Variants in UNC119B observed in about 807,000 individuals in gnomAD.
The protein encoded by UNC119B is unc-119 lipid binding chaperone B.
In UNC119B, 16 loss-of-function variants were observed where a neutral mutation model predicts 23.4. The ratio of observed to expected loss-of-function variants is 0.68; its 90% CI spans 0.46 to 1.04. The LOEUF (loss-of-function observed/expected upper bound fraction) is 1.04. Ranked by LOEUF, UNC119B falls within the 50% of genes least tolerant of loss-of-function variation. UNC119B has a pLI of 0.00. For missense variants in UNC119B, 350 were observed against 361.3 expected (o/e 0.97, Z 0.25); for synonymous variants, 144 against 145.4 (o/e 0.99, Z 0.07).
In UNC119B at chr12:120,722,439, T is replaced by C. The variant is rs1882933748; in HGVS notation, c.*2407T>C. The C allele has an allele frequency of 6.6e-6, 1 of 152,326 alleles. No homozygotes were observed. Among genetic ancestry groups the C allele is most frequent in the East Asian group, 1.9e-4 (1 of 5,190 alleles). The allele number at this position is 152,326 out of a possible 1,614,324, so 9.4% of individuals were successfully genotyped here. A position where few individuals can be genotyped will look rare whatever the true frequency, so the allele number is the denominator to read the frequency against. On this transcript the variant is annotated 3_prime_UTR_variant, in exon 5 of 5. Transcript: ENST00000344651. ...GAAATTCAAGCGTTTGTACCTGAGT[T>C]GGGGAGAGAATTGCAAGGCATACTT...
chr12:120,717,325 A>G (rs1882803538), intron 4 of UNC119B, among the ~76,000 whole-genome samples: 1 of 152,124 alleles, frequency 6.6e-6, no homozygotes, highest in Admixed American at 6.5e-5. Flanking sequence ...GCTGGAGTGC[A>G]GCAGCGCGAT....
Position 120,719,985 on chromosome 12 carries a change from C to T in UNC119B, c.709C>T (p.Leu237=). Residue 237 remains leucine, a synonymous_variant, in exon 5 of 5, where the codon CTG becomes TTG. Transcript: ENST00000344651. Reference sequence around the variant, plus strand: ...CAGCTTCTACTTTGTTGACAACAAGCTGATAATGCACAACAAGGCTGATTA... The same window carrying T: ...CAGCTTCTACTTTGTTGACAACAAGTTGATAATGCACAACAAGGCTGATTA... ...SDSFYFVDNK[L]IMHNKADYAY... is the part of the protein sequence containing the mutation. The T allele has an allele frequency of 6.2e-7, 1 of 1,614,140 alleles. No individual in the cohort carries two copies. Among genetic ancestry groups the T allele is most frequent in the Admixed American group, 1.7e-5 (1 of 60,020 alleles).
intron 4 of UNC119B, among the ~76,000 whole-genome samples, chr12:120,718,583 T>C (rs1374204538): frequency 6.6e-6 from 1 of 152,224 alleles, no homozygotes; most frequent in Non-Finnish European, 1.5e-5. Context: ...TGCTGCCGTG[T>C]AGCCTCGGCA....
chr12:120,716,655 G>T lies in UNC119B; in HGVS notation c.386G>T (p.Gly129Val). ...CAGGAGGAGGATGAGGAGGAGGGAG[G>T]TGGAGACGTGGACATCAGCGCAGGA... is the stretch of plus-strand genomic sequence containing the variant. ...SDQEEDEEEG[G>V]GDVDISAGRF... is the part of the protein sequence containing the mutation. Residue 129 changes from glycine to valine, a missense_variant, in exon 3 of 5, where the codon GGT (glycine) becomes GTT (valine). Transcript: ENST00000344651. 3 of 1,614,220 alleles carry T rather than the reference G, an allele frequency of 1.9e-6. No individual in the cohort carries two copies. Among genetic ancestry groups the T allele is most frequent in the Non-Finnish European group, 2.5e-6 (3 of 1,180,048 alleles).
In UNC119B at chr12:120,710,534, G is replaced by C. The variant is rs1229693745; in HGVS notation, c.60G>C (p.Leu20=). 34 of 1,379,666 alleles carry C rather than the reference G, an allele frequency of 2.5e-5. No homozygotes were observed. The highest frequency in any genetic ancestry group is 3.1e-5 in the Non-Finnish European group (33 of 1,073,030). 85.5% of individuals were successfully genotyped at this position (1,379,666 alleles called of 1,614,324 possible). The part of the protein sequence containing the change: ...AAASAAGPGG[L]VAGKEEKKKA... ...CGTCGGCGGCTGGGCCCGGGGGGCT[G>C]GTGGCTGGCAAGGAGGAGAAGAAGA... Residue 20 remains leucine, a synonymous_variant, in exon 1 of 5, where the codon CTG becomes CTC. Transcript: ENST00000344651.
rs764577417 is a variant in UNC119B at position 120,719,952 on chromosome 12, C to G, written c.676C>G (p.Arg226Gly). ...RLMIENPYET[R>G]SDSFYFVDNK... ...AATGATTGAAAATCCTTACGAGACC[C>G]GCTCTGACAGCTTCTACTTTGTTGA... is the stretch of plus-strand genomic sequence containing the variant. The change falls in exon 5 of 5, where the codon CGC becomes GGC. Residue 226 changes from arginine to glycine, a missense_variant. By Grantham distance (125) the Arg-to-Gly change is moderately radical. Transcript: ENST00000344651. 2 of 1,614,022 alleles carry G rather than the reference C, an allele frequency of 1.2e-6. No homozygotes were observed. The highest frequency in any genetic ancestry group is 2.2e-5 in the South Asian group (2 of 91,080).
In UNC119B at chr12:120,714,494, T is replaced by C. The variant is rs549733078; in HGVS notation, c.358+1107T>C. On this transcript the variant is annotated intron_variant, in intron 2 of 4. Transcript: ENST00000344651. Reference sequence around the variant, plus strand: ...CACCACCATGCCTAGCTAATTTCTGTATTTTTAATAGAGACGGGATTTCAC... The same window carrying C: ...CACCACCATGCCTAGCTAATTTCTGCATTTTTAATAGAGACGGGATTTCAC... Among the ~76,000 whole-genome samples the C allele has an allele frequency of 2.7e-3, 405 of 152,244 alleles. 4 individuals are homozygous for C. Among genetic ancestry groups the C allele is most frequent in the Non-Finnish European group, 4.5e-3 (308 of 68,016 alleles).
In UNC119B at chr12:120,717,017, G is replaced by A; in HGVS notation, c.618G>A (p.Glu206=). ...SSRNTCEHIY[E]FPQLSEDVIR... is the part of the protein sequence containing the mutation. ...GGAACACTTGTGAACATATCTATGA[G>A]TTTCCCCAGCTTTCGGAGGATGTCA... The change falls in exon 4 of 5, where the codon GAG becomes GAA. Residue 206 remains glutamate, a synonymous_variant. Coordinates refer to ENST00000344651, the MANE Select transcript of UNC119B (RefSeq NM_001080533.3). The A allele has an allele frequency of 1.2e-6, 2 of 1,603,918 alleles. No homozygotes were observed. Among genetic ancestry groups the A allele is most frequent in the South Asian group, 1.1e-5 (1 of 89,756 alleles).
At position 120,723,309 on chromosome 12, in the gene UNC119B, A is replaced by C. The variant is rs1882953502; in HGVS notation, c.*3277A>C. 1 of 154,438 alleles carries C rather than the reference A, an allele frequency of 6.5e-6. No individual in the cohort carries two copies. The highest frequency in any genetic ancestry group is 2.0e-4 in the South Asian group (1 of 4,882). The allele number at this position is 154,438 out of a possible 1,614,324, so 9.6% of individuals were successfully genotyped here. ...GCTGCTGTACCTGGTGTAGGAGCCT[A>C]ATCATTGAACCATTGTGTTACTCAC... is the stretch of plus-strand genomic sequence containing the variant. On this transcript the variant is annotated 3_prime_UTR_variant, in exon 5 of 5. Transcript: ENST00000344651.
intron 2 of UNC119B, among the ~76,000 whole-genome samples, chr12:120,715,176 G>A (rs546367774): frequency 1.3e-5 from 2 of 152,316 alleles, no homozygotes; most frequent in East Asian, 1.9e-4. Flanking sequence ...AGGTGACAGA[G>A]TGAGACCCTA....
rs780213745 is a variant in UNC119B at position 120,710,480 on chromosome 12, C to T, written c.6C>T (p.Ser2=). 1.1e-4 allele frequency: 145 copies of T among 1,294,668 alleles called. No individual in the cohort carries two copies. The highest frequency in any genetic ancestry group is 1.3e-4 in the Non-Finnish European group (132 of 1,022,728). The allele number at this position is 1,294,668 out of a possible 1,614,324, so 80.2% of individuals were successfully genotyped here. The change falls in exon 1 of 5, where the codon AGC becomes AGT. Residue 2 remains serine (S), a synonymous_variant. Coordinates refer to ENST00000344651, the MANE Select transcript of UNC119B (RefSeq NM_001080533.3). M[S]GSNPKAAAAA... is the part of the protein sequence containing the mutation. ...GCCATCTTGGCGGCGGAGCGATGAG[C>T]GGGTCTAACCCGAAGGCTGCGGCCG...
intron 1 of UNC119B, 198 bp downstream of exon 1, chr12:120,710,916 G>T: frequency 2.3e-6 from 1 of 443,854 alleles, no homozygotes; most frequent in Non-Finnish European, 3.5e-6. Context: ...GACTCTCCTG[G>T]GCTGGACCGC....
At chr12:120,716,194 TAG>T (rs1882775721) in intron 2 of UNC119B, among the ~76,000 whole-genome samples, 1 of 152,212 alleles carries the variant, frequency 6.6e-6, no homozygotes, top group Non-Finnish European at 1.5e-5. Flanking sequence ...CTGAATAGAA[TAG>T]ACCATGTCAG....
chr12:120,719,900 C>A lies in UNC119B; in HGVS notation c.644-20C>A. ...AACATAATTCTTTGCTTTTTTCTTC[C>A]CCCTTTGCCTGACTTGCAGTTCGTC... On this transcript the variant is annotated intron_variant, in intron 4 of 4. Transcript: ENST00000344651. 6.4e-7 allele frequency: 1 copy of A among 1,574,144 alleles called. No homozygotes were observed. The highest frequency in any genetic ancestry group is 8.7e-7 in the Non-Finnish European group (1 of 1,146,016).
intron 2 of UNC119B, among the ~76,000 whole-genome samples, chr12:120,713,776 A>G (rs1882717233): frequency 6.6e-6 from 1 of 152,178 alleles, no homozygotes; most frequent in African/African-American, 2.4e-5. Flanking sequence ...GAATCCTTGA[A>G]ATTAAACTAT....
rs1440827734 is a variant in UNC119B at position 120,722,325 on chromosome 12, TC to T, written c.*2294del. 1 of 152,506 alleles carries T rather than the reference TC, an allele frequency of 6.6e-6. No individual in the cohort carries two copies. The highest frequency in any genetic ancestry group is 2.4e-5 in the African/African-American group (1 of 41,462). The allele number at this position is 152,506 out of a possible 1,614,324, so 9.4% of individuals were successfully genotyped here. ...TTTGCTGCTTCTGAAAGTCTGGTGT[TC>T]TGTATCTGGGGCTGTGGGTTCCTGT... On this transcript the variant is annotated 3_prime_UTR_variant, in exon 5 of 5. Coordinates refer to ENST00000344651, the MANE Select transcript of UNC119B (RefSeq NM_001080533.3).
Position 120,716,673 on chromosome 12 carries a change from G to A in UNC119B, c.404G>A (p.Ser135Asn), listed in dbSNP as rs1882785975. 4 of 1,614,218 alleles carry A rather than the reference G, an allele frequency of 2.5e-6. No individual in the cohort carries two copies. Among genetic ancestry groups the A allele is most frequent in the African/African-American group, 2.7e-5 (2 of 75,042 alleles). Residue 135 changes from serine (S) to asparagine (N), a missense_variant, in exon 3 of 5, where the codon AGC (serine) becomes AAC (asparagine). Physicochemically the swap from Ser to Asn is conservative, Grantham distance 46. Coordinates refer to ENST00000344651, the MANE Select transcript of UNC119B (RefSeq NM_001080533.3). ...EEEGGGDVDI[S>N]AGRFVRYQFT... Reference sequence around the variant, plus strand: ...GAGGGAGGTGGAGACGTGGACATCAGCGCAGGACGTTTTGTCCGCTATCAG... The same window carrying A: ...GAGGGAGGTGGAGACGTGGACATCAACGCAGGACGTTTTGTCCGCTATCAG...
chr12:120,713,761 G>T (rs1882716905), intron 2 of UNC119B, among the ~76,000 whole-genome samples: 1 of 152,194 alleles, frequency 6.6e-6, no homozygotes, highest in Admixed American at 6.5e-5. Context: ...CTCCAGTTGG[G>T]AAAGGAATCC....
At chr12:120,712,999 A>G (rs1882700064) in intron 1 of UNC119B, among the ~76,000 whole-genome samples, 1 of 152,220 alleles carries the variant, frequency 6.6e-6, no homozygotes, top group African/African-American at 2.4e-5. Flanking sequence ...AAAGATTTTT[A>G]TGTGTTTCCA....
Sources: gnomAD v4.1 joint callset for allele counts (sites outside exome capture counted in the v4.1 genomes callset) on GRCh38, gnomAD v4.1.1 for gene constraint, MANE v1.5 for transcripts, NCBI Gene and HGNC (gene_info 2026-07-23, HGNC 2026-07-21) for gene names.